TUBA1C: variants seen among roughly 807,000 people sequenced by gnomAD.
TUBA1C encodes the protein tubulin alpha-1C chain.
A neutral mutation model predicts 34.9 loss-of-function variants in TUBA1C; 16 were observed. That is an observed-to-expected ratio of 0.46 (90% confidence interval 0.31 to 0.70). TUBA1C has a LOEUF of 0.70. Among genes scored for constraint, TUBA1C ranks in the 30% least tolerant of loss-of-function variants. The probability of loss-of-function intolerance (pLI) is 0.05; values close to 1 mark genes in which losing one functional copy is unlikely to be tolerated. For missense variants in TUBA1C, 329 were observed against 587.3 expected (o/e 0.56, Z 4.55); for synonymous variants, 177 against 215.9 (o/e 0.82, Z 1.58).
intron 1 of TUBA1C, among the ~76,000 whole-genome samples, chr12:49,259,065 G>T (rs755362334): frequency 5.9e-5 from 9 of 151,806 alleles, no homozygotes; most frequent in Non-Finnish European, 1.2e-4. Context: ...GGCCAAAAAT[G>T]AAAAATTTTT....
At chr12:49,264,596 G>A (rs11168944), upstream of TUBA1C, 16,335 of 152,038 alleles carry the variant, frequency 0.11, 1,009 homozygotes, top group Middle Eastern at 0.2. Context: ...GGGGACCGGG[G>A]GCGAGGCCGG....
intron 1 of TUBA1C, among the ~76,000 whole-genome samples, chr12:49,246,503 C>T (rs957065913): frequency 6.6e-6 from 1 of 151,304 alleles, no homozygotes; most frequent in Non-Finnish European, 1.5e-5. Context: ...CACGGTGAAA[C>T]CCCGTCTCTA....
chr12:49,228,529 T>C (rs148642009), intron 1 of TUBA1C, among the ~76,000 whole-genome samples: 10 of 152,298 alleles, frequency 6.6e-5, no homozygotes, highest in African/African-American at 2.4e-4. Context: ...ATTTTATAAA[T>C]GGAATCAAAT....
intron 1 of TUBA1C, among the ~76,000 whole-genome samples, chr12:49,250,392 C>A (rs1053397216): frequency 2.0e-5 from 3 of 151,418 alleles, no homozygotes; most frequent in African/African-American, 7.3e-5. Context: ...GGCATGGTGG[C>A]GGGCACCTGT....
chr12:49,273,549 C>A lies in TUBA1C; in HGVS notation c.*322C>A. The A allele has an allele frequency of 2.5e-6, 1 of 397,640 alleles. No individual in the cohort carries two copies. The highest frequency in any genetic ancestry group is 4.7e-6 in the Non-Finnish European group (1 of 211,468). 24.6% of individuals were successfully genotyped at this position (397,640 alleles called of 1,614,324 possible). ...GGGACTGCAGGTGCACACCACCATGCCCAGCTATTTTTATTTCTTGTAGAG... is the reference window on the plus strand; with the variant it reads ...GGGACTGCAGGTGCACACCACCATGACCAGCTATTTTTATTTCTTGTAGAG... On this transcript the variant is annotated 3_prime_UTR_variant, in exon 4 of 4. Coordinates refer to ENST00000301072, the MANE Select transcript of TUBA1C (RefSeq NM_032704.5).
intron 3 of TUBA1C, chr12:49,270,239 T>A: frequency 1.6e-6 from 1 of 619,420 alleles, no homozygotes; most frequent in Non-Finnish European, 2.8e-6. Flanking sequence ...ACTGAGTGAG[T>A]AGGTAGCTGA....
intron 1 of TUBA1C, among the ~76,000 whole-genome samples, chr12:49,268,252 C>A (rs1242229822): frequency 1.3e-5 from 2 of 152,142 alleles, no homozygotes; most frequent in Non-Finnish European, 2.9e-5. Context: ...GCGCGCACCA[C>A]CATGCCTGGC....
chr12:49,228,928 G>A (rs753443645), intron 1 of TUBA1C, among the ~76,000 whole-genome samples: 15 of 152,194 alleles, frequency 9.9e-5, no homozygotes, highest in Non-Finnish European at 1.9e-4. Context: ...CCAGCCCAAG[G>A]TTACAGAGAA....
intron 1 of TUBA1C, among the ~76,000 whole-genome samples, chr12:49,259,997 C>A (rs1203104819): frequency 1.3e-5 from 2 of 152,056 alleles, no homozygotes; most frequent in Admixed American, 1.3e-4. Flanking sequence ...CCTTCAGGGG[C>A]CTTCTACTTT....
In TUBA1C at chr12:49,272,544, A is replaced by G; in HGVS notation, c.667A>G (p.Thr223Ala). 6.2e-7 allele frequency: 1 copy of G among 1,608,174 alleles called. No homozygotes were observed. The highest frequency in any genetic ancestry group is 8.5e-7 in the Non-Finnish European group (1 of 1,177,428). Residue 223 changes from threonine to alanine, a missense_variant, in exon 4 of 4, where the codon ACC (threonine) becomes GCC (alanine). Transcript: ENST00000301072. The part of the protein sequence containing the change: ...CRRNLDIERP[T>A]YTNLNRLISQ... ...TAGAAACCTCGATATCGAGCGCCCA[A>G]CCTACACTAACCTTAACCGCCTTAT... is the stretch of plus-strand genomic sequence containing the variant.
At chr12:49,228,709 T>C (rs1481356879) in intron 1 of TUBA1C, among the ~76,000 whole-genome samples, 1 of 152,182 alleles carries the variant, frequency 6.6e-6, no homozygotes, top group Non-Finnish European at 1.5e-5. Flanking sequence ...TCAGACATCT[T>C]AAAGGTGTGA....
chr12:49,229,126 T>G (rs774890084), intron 1 of TUBA1C, among the ~76,000 whole-genome samples: 40 of 152,150 alleles, frequency 2.6e-4, no homozygotes, highest in Non-Finnish European at 4.4e-4. Flanking sequence ...GATTTTAGCT[T>G]GGTGTATTTG....
chr12:49,272,549 C>T lies in TUBA1C; in HGVS notation c.672C>T (p.Tyr224=), dbSNP rs746781513. 43 of 1,608,888 alleles carry T rather than the reference C, an allele frequency of 2.7e-5. No homozygotes were observed. The highest frequency in any genetic ancestry group is 1.7e-4 in the African/African-American group (13 of 74,348). Residue 224 remains tyrosine, a synonymous_variant, in exon 4 of 4, where the codon TAC becomes TAT. Coordinates refer to ENST00000301072, the MANE Select transcript of TUBA1C (RefSeq NM_032704.5). ...ACCTCGATATCGAGCGCCCAACCTA[C>T]ACTAACCTTAACCGCCTTATTAGCC... ...RRNLDIERPT[Y]TNLNRLISQI...
chr12:49,266,697 A>C (rs1027606087), intron 1 of TUBA1C, among the ~76,000 whole-genome samples: 10 of 151,572 alleles, frequency 6.6e-5, no homozygotes, highest in Non-Finnish European at 1.3e-4. Flanking sequence ...AAAAATACAA[A>C]AATTATCTGG....
At chr12:49,256,628 G>T (rs1942786999) in intron 1 of TUBA1C, 8 of 242,152 alleles carry the variant, frequency 3.3e-5, no homozygotes, top group Middle Eastern at 9.6e-4. Flanking sequence ...TTATATTCCT[G>T]ACTCCATTGG....
chr12:49,235,349 A>ACGCGC (rs990005679), intron 1 of TUBA1C, among the ~76,000 whole-genome samples: 1 of 151,820 alleles, frequency 6.6e-6, no homozygotes, highest in African/African-American at 2.4e-5. Context: ...CATCTGCTGG[A>ACGCGC]CGCGCCGCGC....
At chr12:49,266,434 CAA>C (rs934400855) in intron 1 of TUBA1C, among the ~76,000 whole-genome samples, 1 of 150,174 alleles carries the variant, frequency 6.7e-6, no homozygotes, top group Non-Finnish European at 1.5e-5. Context: ...CGTCCAAAAA[CAA>C]AAAAAAACCC....
chr12:49,265,039 G>A, upstream of TUBA1C: 1 of 1,199,008 alleles, frequency 8.3e-7, no homozygotes, highest in Non-Finnish European at 1.1e-6. Context: ...ACACGTGGCC[G>A]GGGACCGGGT....
In TUBA1C at chr12:49,273,525, G is replaced by T; in HGVS notation, c.*298G>T. On this transcript the variant is annotated 3_prime_UTR_variant, in exon 4 of 4. Coordinates refer to ENST00000301072, the MANE Select transcript of TUBA1C (RefSeq NM_032704.5). ...CTGCTTCAGCCTCCTAAGTAGCTGG[G>T]GACTGCAGGTGCACACCACCATGCC... is the stretch of plus-strand genomic sequence containing the variant. 1 of 441,820 alleles carries T rather than the reference G, an allele frequency of 2.3e-6. No individual in the cohort carries two copies. Among genetic ancestry groups the T allele is most frequent in the Non-Finnish European group, 4.2e-6 (1 of 239,980 alleles). 27.4% of individuals were successfully genotyped at this position (441,820 alleles called of 1,614,324 possible). A position where few individuals can be genotyped will look rare whatever the true frequency, so the allele number is the denominator to read the frequency against.
Sources: allele counts gnomAD v4.1 joint callset (sites outside exome capture counted in the v4.1 genomes callset), GRCh38; gene constraint gnomAD v4.1.1; transcripts MANE v1.5; gene names NCBI Gene and HGNC (gene_info 2026-07-23, HGNC 2026-07-21).